CACNA2D3: variants seen among roughly 807,000 people sequenced by gnomAD.
The protein encoded by CACNA2D3 is calcium voltage-gated channel auxiliary subunit alpha2delta 3.
In CACNA2D3, 60 loss-of-function variants were observed where a neutral mutation model predicts 160.6. That is an observed-to-expected ratio of 0.37 (90% CI 0.30 to 0.46). The LOEUF (loss-of-function observed/expected upper bound fraction) is 0.46, where lower values mean the gene tolerates loss of function less well. Among genes scored for constraint, CACNA2D3 ranks in the 20% least tolerant of loss-of-function variants. The pLI is 1.00. For synonymous variants in CACNA2D3, 558 were observed against 492.9 expected, an observed-to-expected ratio of 1.13 and a Z score of -1.75; for missense variants, 1,205 against 1,365.0, an observed-to-expected ratio of 0.88 and a Z score of 1.85.
chr3:54,361,517 G>A (rs999363258), intron 3 of CACNA2D3, among the ~76,000 whole-genome samples: 19 of 152,334 alleles, frequency 1.2e-4, no homozygotes, highest in African/African-American at 4.3e-4. Flanking sequence ...GTGATTTCAT[G>A]ATGGGCAGAT....
At chr3:54,803,762 C>T (rs1468579539) in intron 13 of CACNA2D3, among the ~76,000 whole-genome samples, 1 of 152,022 alleles carries the variant, frequency 6.6e-6, no homozygotes, top group South Asian at 2.1e-4. Flanking sequence ...GTCAGATTCA[C>T]CAAAGTGGAA....
chr3:54,464,257 C>T (rs773312454), intron 4 of CACNA2D3, among the ~76,000 whole-genome samples: 45 of 152,212 alleles, frequency 3.0e-4, no homozygotes, highest in Admixed American at 5.9e-4. Flanking sequence ...TCTGCCCCTT[C>T]TCATATCTCC....
intron 4 of CACNA2D3, among the ~76,000 whole-genome samples, chr3:54,481,277 C>T (rs535613538): frequency 6.6e-5 from 10 of 152,238 alleles, no homozygotes; most frequent in Non-Finnish European, 1.3e-4. Context: ...CAAACCTTCA[C>T]TCCCCTCTGA....
At chr3:54,202,925 A>G (rs1422260160) in intron 2 of CACNA2D3, among the ~76,000 whole-genome samples, 1 of 152,200 alleles carries the variant, frequency 6.6e-6, no homozygotes, top group African/African-American at 2.4e-5. Flanking sequence ...AGTGTATGTT[A>G]AGTGCAGAAA....
At chr3:54,864,480 G>A (rs569804597) in intron 17 of CACNA2D3, among the ~76,000 whole-genome samples, 1 of 152,010 alleles carries the variant, frequency 6.6e-6, no homozygotes, top group Non-Finnish European at 1.5e-5. Flanking sequence ...TGCCATGTTG[G>A]CCAGGCTGGT....
At position 55,052,391 on chromosome 3, in the gene CACNA2D3, A is replaced by G. The variant is rs190289834; in HGVS notation, c.2988-21054A>G. Among the ~76,000 whole-genome samples, 66 of 151,858 alleles carry G rather than the reference A, an allele frequency of 4.3e-4. No homozygotes were observed. The East Asian group carries it at 0.011, about 26-fold the overall frequency. Reference sequence around the variant, plus strand: ...GTGAATATTCCATATGAACATATATATACATATATTCTATATATATGTTTG... The same window carrying G: ...GTGAATATTCCATATGAACATATATGTACATATATTCTATATATATGTTTG... On this transcript the variant is annotated intron_variant, in intron 35 of 37. Transcript: ENST00000474759.
rs1425589647 is a variant in CACNA2D3, at chr3:54,282,737, G to A, written c.205-37705G>A. Among the ~76,000 whole-genome samples the A allele has an allele frequency of 3.3e-5, 5 of 152,176 alleles. No individual in the cohort carries two copies. The South Asian group carries it at 1.0e-3, about 32-fold the overall frequency. ...AGATACATATATAAGTGTATTACAA[G>A]TTGTGATAAGTATTATGAGAAAGAG... is the stretch of plus-strand genomic sequence containing the variant. On this transcript the variant is annotated intron_variant, in intron 2 of 37. Transcript: ENST00000474759.
Position 54,937,213 on chromosome 3 carries a change from C to T in CACNA2D3, c.2450-31237C>T, listed in dbSNP as rs1357880302. On this transcript the variant is annotated intron_variant, in intron 27 of 37. Coordinates refer to ENST00000474759, the MANE Select transcript of CACNA2D3 (RefSeq NM_018398.3). ...TCTTTCTTGATGAAAGAAGTATCTA[C>T]TGAGTGTTCCCTACCTGCAAAGCTC... Among the ~76,000 whole-genome samples, 6 of 152,190 alleles carry T rather than the reference C, an allele frequency of 3.9e-5. No homozygotes were observed. The South Asian group carries it at 1.2e-3, about 31-fold the overall frequency.
chr3:54,194,102 A>G (rs1701028984), intron 2 of CACNA2D3, among the ~76,000 whole-genome samples: 1 of 152,104 alleles, frequency 6.6e-6, no homozygotes, highest in African/African-American at 2.4e-5. Context: ...GGGGATAAAG[A>G]GAGGTTGGTT....
In CACNA2D3 at chr3:54,627,465, G is replaced by T. The variant is rs151248240; in HGVS notation, c.964-322G>T. 2.0e-3 allele frequency among the ~76,000 whole-genome samples: 307 copies of T among 152,272 alleles called. 1 individual carries two copies. Among genetic ancestry groups the T allele is most frequent in the African/African-American group, 7.0e-3 (290 of 41,558 alleles). Reference sequence around the variant, plus strand: ...CAGAGTCCTAAATGTGATCAGGAGCGGGAGAGTAGGGGTAGGAGAGGAAAA... The same window carrying T: ...CAGAGTCCTAAATGTGATCAGGAGCTGGAGAGTAGGGGTAGGAGAGGAAAA... On this transcript the variant is annotated intron_variant, in intron 9 of 37. Coordinates refer to ENST00000474759, the MANE Select transcript of CACNA2D3 (RefSeq NM_018398.3).
At chr3:55,032,936 T>TG (rs1300951694) in intron 35 of CACNA2D3, among the ~76,000 whole-genome samples, 1 of 1,944 alleles carries the variant, frequency 5.1e-4, no homozygotes, top group African/African-American at 1.4e-3. Context: ...TAAAGTGTGA[T>TG]GGGGGGTGGG....
At chr3:54,348,880 A>G (rs1180683086) in intron 3 of CACNA2D3, among the ~76,000 whole-genome samples, 1 of 152,160 alleles carries the variant, frequency 6.6e-6, no homozygotes, top group East Asian at 1.9e-4. Context: ...GGTATGCACC[A>G]TCATGCCTGG....
At chr3:54,859,378 A>G (rs755258664) in intron 17 of CACNA2D3, among the ~76,000 whole-genome samples, 9 of 152,190 alleles carry the variant, frequency 5.9e-5, no homozygotes, top group Non-Finnish European at 5.9e-5. Flanking sequence ...AGGCACATCT[A>G]TTTCCAAACA....
chr3:54,741,909 G>T (rs1209883446), intron 11 of CACNA2D3, among the ~76,000 whole-genome samples: 1 of 151,298 alleles, frequency 6.6e-6, no homozygotes, highest in African/African-American at 2.4e-5. Flanking sequence ...TTTGAGACAA[G>T]GTCTCTGTCA....
chr3:54,900,998 A>G (rs1187378665), intron 27 of CACNA2D3, among the ~76,000 whole-genome samples: 2 of 152,178 alleles, frequency 1.3e-5, no homozygotes, highest in African/African-American at 4.8e-5. Context: ...AACTAAGCAG[A>G]CCTATTCTTA....
intron 27 of CACNA2D3, among the ~76,000 whole-genome samples, chr3:54,903,669 C>T (rs966754876): frequency 6.6e-6 from 1 of 152,154 alleles, no homozygotes; most frequent in Non-Finnish European, 1.5e-5. Flanking sequence ...TTTACACTCC[C>T]ACCAACAGTG....
At chr3:54,708,531 G>A (rs887661505) in intron 11 of CACNA2D3, among the ~76,000 whole-genome samples, 1 of 152,176 alleles carries the variant, frequency 6.6e-6, no homozygotes, top group Non-Finnish European at 1.5e-5. Context: ...TTTATAATAG[G>A]TAAATGTTGA....
chr3:55,057,340 A>C (rs1454254635), intron 35 of CACNA2D3, among the ~76,000 whole-genome samples: 1 of 152,024 alleles, frequency 6.6e-6, no homozygotes, highest in African/African-American at 2.4e-5. Context: ...ATAAATTATA[A>C]CATCACTTCA....
rs78915863 is a variant in CACNA2D3 at position 54,132,565 on chromosome 3, C to T, written c.204+8971C>T. ...AGTCAACAGTATACATTTCCTGGAA[C>T]GGGAATTTCAGAATTATAGAGCCAT... On this transcript the variant is annotated intron_variant, in intron 2 of 37. Transcript: ENST00000474759. 4.8e-3 allele frequency among the ~76,000 whole-genome samples: 726 copies of T among 152,212 alleles called. 38 individuals are homozygous for T. The East Asian group carries it at 0.11, about 23-fold the overall frequency.
Sources: gnomAD v4.1 joint callset for allele counts (sites outside exome capture counted in the v4.1 genomes callset) on GRCh38, gnomAD v4.1.1 for gene constraint, MANE v1.5 for transcripts, NCBI Gene and HGNC (gene_info 2026-07-23, HGNC 2026-07-21) for gene names.